Variants in P3H2 observed in about 807,000 individuals in gnomAD.
P3H2 encodes the protein leprecan-like 1.
Under a neutral mutation model 87.0 loss-of-function variants are expected in P3H2, and 80 were observed. The ratio of observed to expected loss-of-function variants is 0.92; its 90% CI spans 0.77 to 1.11. P3H2 has a LOEUF of 1.11. Among genes scored for constraint, P3H2 ranks in the 50% least tolerant of loss-of-function variants. The pLI is 0.00. For missense variants in P3H2, 1,001 were observed against 923.9 expected, an observed-to-expected ratio of 1.08 and a Z score of -1.08; for synonymous variants, 367 against 359.3, an observed-to-expected ratio of 1.02 and a Z score of -0.24.
chr3:190,006,296 C>G (rs746008218), intron 1 of P3H2, among the ~76,000 whole-genome samples: 5 of 152,152 alleles, frequency 3.3e-5, no homozygotes, highest in Non-Finnish European at 4.4e-5. Context: ...TTTCATTTTA[C>G]AGGTGGATAA....
chr3:190,087,954 A>C (rs1727281900), intron 1 of P3H2, among the ~76,000 whole-genome samples: 1 of 152,220 alleles, frequency 6.6e-6, no homozygotes, highest in African/African-American at 2.4e-5. Context: ...GTGTTCAACA[A>C]GTTCCTGAAA....
intron 1 of P3H2, among the ~76,000 whole-genome samples, chr3:190,047,391 C>T (rs1447296189): frequency 6.6e-6 from 1 of 152,094 alleles, no homozygotes; most frequent in Non-Finnish European, 1.5e-5. Flanking sequence ...AGTATATATC[C>T]AAGGGAAAGG....
rs1000246475 is a variant in P3H2 at position 190,015,461 on chromosome 3, A to C, written c.481-20019T>G. 3.3e-5 allele frequency among the ~76,000 whole-genome samples: 5 copies of C among 152,340 alleles called. No individual in the cohort carries two copies. The Middle Eastern group carries it at 0.01, about 311-fold the overall frequency. ...CCCCTTGGCTCTGTTTACTCACTGA[A>C]GAATAACTGATTCCAACCCACGGTT... On this transcript the variant is annotated intron_variant, in intron 1 of 14. Coordinates refer to ENST00000319332, the MANE Select transcript of P3H2 (RefSeq NM_018192.4).
At chr3:190,005,752 G>A (rs564351973) in intron 1 of P3H2, among the ~76,000 whole-genome samples, 2 of 152,274 alleles carry the variant, frequency 1.3e-5, no homozygotes, top group South Asian at 2.1e-4. Flanking sequence ...GGAATGCATC[G>A]TGGCTGCAAG....
intron 1 of P3H2, among the ~76,000 whole-genome samples, chr3:190,003,714 C>T (rs981739473): frequency 6.6e-6 from 1 of 152,156 alleles, no homozygotes; most frequent in Non-Finnish European, 1.5e-5. Flanking sequence ...TGTGCATGGT[C>T]TATTGGTATG....
In P3H2 at chr3:190,120,376, C is replaced by T; in HGVS notation, c.356G>A (p.Cys119Tyr). The T allele has an allele frequency of 6.5e-7, 1 of 1,547,930 alleles. No individual in the cohort carries two copies. Among genetic ancestry groups the T allele is most frequent in the Non-Finnish European group, 8.7e-7 (1 of 1,152,584 alleles). The stretch of plus-strand genomic sequence containing the variant: ...GCGCTGGGTCTCACAGCTGCGATAA[C>T]AGCGCGCCCGCCCCAACAAGGAGCG... ...LFRSLLGRAR[C>Y]YRSCETQRLG... Residue 119 changes from cysteine to tyrosine, a missense_variant, in exon 1 of 15, where the codon TGT (cysteine) becomes TAT (tyrosine). Physicochemically the swap from Cys to Tyr is radical, Grantham distance 194. Transcript: ENST00000319332.
At chr3:190,019,727 AG>A (rs1724875583) in intron 1 of P3H2, among the ~76,000 whole-genome samples, 2 of 81,938 alleles carry the variant, frequency 2.4e-5, no homozygotes, top group Admixed American at 2.3e-4. Context: ...GGTTGCCTCA[AG>A]AAGTTGTGTG....
chr3:190,039,354 TAA>T (rs1395140110), intron 1 of P3H2, among the ~76,000 whole-genome samples: 3 of 152,144 alleles, frequency 2.0e-5, no homozygotes, highest in East Asian at 1.9e-4. Flanking sequence ...TCAATTTTAA[TAA>T]GTCTGTACCT....
intron 3 of P3H2, among the ~76,000 whole-genome samples, chr3:189,990,694 T>C (rs1368740131): frequency 6.6e-6 from 1 of 152,270 alleles, no homozygotes; most frequent in Non-Finnish European, 1.5e-5. Context: ...AAGCCAGTTT[T>C]ATACCTAATT....
intron 1 of P3H2, among the ~76,000 whole-genome samples, chr3:190,062,315 T>C (rs1403369024): frequency 6.6e-6 from 1 of 152,172 alleles, no homozygotes; most frequent in Non-Finnish European, 1.5e-5. Flanking sequence ...CTGTGTCCTA[T>C]ATCATAAACT....
chr3:190,098,737 C>T (rs749933605), intron 1 of P3H2, among the ~76,000 whole-genome samples: 11 of 152,236 alleles, frequency 7.2e-5, no homozygotes, highest in East Asian at 1.9e-4. Flanking sequence ...ATTTATTACA[C>T]GGACCACCAA....
At chr3:190,103,843 G>A (rs952703738) in intron 1 of P3H2, among the ~76,000 whole-genome samples, 2 of 152,042 alleles carry the variant, frequency 1.3e-5, no homozygotes, top group African/African-American at 4.8e-5. Context: ...CTAGGCTGGG[G>A]TGCAGTGGTG....
chr3:189,978,422 C>G (rs1723418811), intron 8 of P3H2, among the ~76,000 whole-genome samples: 1 of 152,074 alleles, frequency 6.6e-6, no homozygotes, highest in Admixed American at 6.6e-5. Flanking sequence ...ATTGAGACAC[C>G]TTAATAAGCA....
In P3H2 at chr3:189,957,726, A is replaced by AG. The variant is rs1560334604; in HGVS notation, c.*185_*186insC. 26 of 528,392 alleles carry AG rather than the reference A, an allele frequency of 4.9e-5. No homozygotes were observed. In the African/African-American group the frequency reaches 5.2e-4, roughly 11 times the overall value. The allele number at this position is 528,392 out of a possible 1,614,324, so 32.7% of individuals were successfully genotyped here. A position where few individuals can be genotyped will look rare whatever the true frequency, so the allele number is the denominator to read the frequency against. ...AGAGAGAGAGAGAGAGAGAGAGAGA[A>AG]AACAACCCAAAACAAGAAAGATAGA... On this transcript the variant is annotated 3_prime_UTR_variant, in exon 15 of 15. Transcript: ENST00000319332.
At chr3:190,100,940 T>C (rs1457563286) in intron 1 of P3H2, among the ~76,000 whole-genome samples, 4 of 152,166 alleles carry the variant, frequency 2.6e-5, no homozygotes, top group African/African-American at 7.2e-5. Flanking sequence ...ACCCCATGTC[T>C]CAACGTTACA....
intron 1 of P3H2, among the ~76,000 whole-genome samples, chr3:190,058,358 C>T (rs1726227118): frequency 6.6e-6 from 1 of 152,076 alleles, no homozygotes; most frequent in Admixed American, 6.6e-5. Flanking sequence ...TTGATGATAC[C>T]TATCCCCGCC....
chr3:190,110,567 TATGAAAATATTATTTTAAAATA>T (rs1712033540), intron 1 of P3H2, among the ~76,000 whole-genome samples: 1 of 152,252 alleles, frequency 6.6e-6, no homozygotes, highest in Admixed American at 6.5e-5. Flanking sequence ...CTGGATTTCA[TATGAAAATATTATTTTAAAATA>T]GCACATGCTT....
At chr3:190,009,524 C>T (rs955382748) in intron 1 of P3H2, among the ~76,000 whole-genome samples, 4 of 152,160 alleles carry the variant, frequency 2.6e-5, no homozygotes, top group African/African-American at 4.8e-5. Flanking sequence ...CCAGCAGTTC[C>T]GTTGGTAGGG....
At chr3:190,075,057 T>C (rs1183933667) in intron 1 of P3H2, among the ~76,000 whole-genome samples, 1 of 152,200 alleles carries the variant, frequency 6.6e-6, no homozygotes, top group Non-Finnish European at 1.5e-5. Context: ...CTCACACCTT[T>C]TAGCATATAA....
Sources: allele counts gnomAD v4.1 joint callset (sites outside exome capture counted in the v4.1 genomes callset), GRCh38; gene constraint gnomAD v4.1.1; transcripts MANE v1.5; gene names NCBI Gene and HGNC (gene_info 2026-07-23, HGNC 2026-07-21).